Variants in CDH13 observed in about 807,000 individuals in gnomAD.
CDH13 encodes the protein cadherin 13.
Under a neutral mutation model 63.8 loss-of-function variants are expected in CDH13, and 24 were observed. The ratio of observed to expected loss-of-function variants is 0.38; its 90% CI spans 0.27 to 0.53. CDH13 has a LOEUF of 0.53. Ranked by LOEUF, CDH13 falls within the 20% of genes least tolerant of loss-of-function variation. The pLI is 0.85. For missense variants in CDH13, 1,049 were observed against 903.1 expected, an observed-to-expected ratio of 1.16 and a Z score of -2.07; for synonymous variants, 503 against 355.3, an observed-to-expected ratio of 1.42 and a Z score of -4.67.
chr16:82,763,927 C>A (rs1434270322), intron 1 of CDH13, among the ~76,000 whole-genome samples: 1 of 152,192 alleles, frequency 6.6e-6, no homozygotes, highest in Admixed American at 6.5e-5. Context: ...TCTTCCTTGG[C>A]CTCCAAAAGT....
At chr16:83,138,232 C>T (rs909482521) in intron 4 of CDH13, among the ~76,000 whole-genome samples, 2 of 151,986 alleles carry the variant, frequency 1.3e-5, no homozygotes, top group African/African-American at 4.8e-5. Flanking sequence ...TGCATTAATT[C>T]AGAAATATTT....
At chr16:83,428,847 T>A (rs577907903) in intron 6 of CDH13, among the ~76,000 whole-genome samples, 1 of 152,338 alleles carries the variant, frequency 6.6e-6, no homozygotes, top group East Asian at 1.9e-4. Flanking sequence ...AATCTCCCCA[T>A]CTTCCAGTGC....
At chr16:82,974,673 G>A (rs1421930542) in intron 2 of CDH13, among the ~76,000 whole-genome samples, 1 of 152,172 alleles carries the variant, frequency 6.6e-6, no homozygotes, top group African/African-American at 2.4e-5. Context: ...TCAGAAAAAG[G>A]AGGAGGCAGA....
chr16:83,061,813 A>C (rs2031577135), intron 3 of CDH13, among the ~76,000 whole-genome samples: 1 of 152,226 alleles, frequency 6.6e-6, no homozygotes, highest in African/African-American at 2.4e-5. Flanking sequence ...TCTCCCAGCA[A>C]AATTGAAACG....
At chr16:83,010,135 CAAAAAAAAAAA>C (rs67985333) in intron 2 of CDH13, among the ~76,000 whole-genome samples, 49 of 50,102 alleles carry the variant, frequency 9.8e-4, no homozygotes, top group Admixed American at 3.4e-3. Context: ...AACTCTGTCT[CAAAAAAAAAAA>C]AAAAAAAAAA....
At chr16:83,049,324 TC>T (rs2030013650) in intron 3 of CDH13, among the ~76,000 whole-genome samples, 1 of 124,850 alleles carries the variant, frequency 8.0e-6, no homozygotes, top group Non-Finnish European at 1.7e-5. Flanking sequence ...ATGACTGGCC[TC>T]TTTTTTTTTT....
At chr16:83,097,481 C>A (rs1480801143) in intron 3 of CDH13, among the ~76,000 whole-genome samples, 3 of 152,106 alleles carry the variant, frequency 2.0e-5, no homozygotes, top group Admixed American at 2.0e-4. Context: ...AAATAATGAA[C>A]CATGCATAAT....
At chr16:83,568,086 C>G (rs114141656) in intron 7 of CDH13, among the ~76,000 whole-genome samples, 1 of 152,086 alleles carries the variant, frequency 6.6e-6, no homozygotes, top group Non-Finnish European at 1.5e-5. Context: ...CAGAGCTTCC[C>G]ATTTAAATCA....
chr16:83,332,751 T>C (rs2090506229), intron 5 of CDH13, among the ~76,000 whole-genome samples: 1 of 152,216 alleles, frequency 6.6e-6, no homozygotes, highest in Non-Finnish European at 1.5e-5. Context: ...ACTAGGACTT[T>C]ACTCAAGCTG....
intron 3 of CDH13, among the ~76,000 whole-genome samples, chr16:83,103,032 A>G (rs1597340579): frequency 7.7e-6 from 1 of 129,558 alleles, no homozygotes; most frequent in African/African-American, 3.0e-5. Flanking sequence ...AGCTCACTGC[A>G]GCCTCTGCCT....
chr16:82,856,591 A>T (rs532035030), intron 1 of CDH13, among the ~76,000 whole-genome samples: 1 of 145,196 alleles, frequency 6.9e-6, no homozygotes, highest in African/African-American at 2.5e-5. Context: ...AGTCTCAGCT[A>T]CTTGGGAGGC....
At chr16:82,668,511 A>C (rs1597269139) in intron 1 of CDH13, among the ~76,000 whole-genome samples, 1 of 152,122 alleles carries the variant, frequency 6.6e-6, no homozygotes, top group South Asian at 2.1e-4. Flanking sequence ...CATTAGGGCA[A>C]TGTTTTTTTG....
At chr16:83,205,547 GA>G (rs1409749412) in intron 4 of CDH13, among the ~76,000 whole-genome samples, 5 of 149,866 alleles carry the variant, frequency 3.3e-5, no homozygotes, top group African/African-American at 1.2e-4. Context: ...TTGAATGCAA[GA>G]AAAGAAGTTG....
At chr16:83,282,068 A>G (rs1030231142) in intron 5 of CDH13, among the ~76,000 whole-genome samples, 1 of 152,132 alleles carries the variant, frequency 6.6e-6, no homozygotes, top group Non-Finnish European at 1.5e-5. Context: ...ATCTCAGGGA[A>G]TAGGGAGTCC....
chr16:82,733,425 C>T (rs2033505374), intron 1 of CDH13, among the ~76,000 whole-genome samples: 1 of 152,148 alleles, frequency 6.6e-6, no homozygotes, highest in East Asian at 1.9e-4. Context: ...TGTTTAAAGG[C>T]ATATGACCCA....
At chr16:83,081,381 C>A (rs956570119) in intron 3 of CDH13, among the ~76,000 whole-genome samples, 1 of 152,130 alleles carries the variant, frequency 6.6e-6, no homozygotes, top group African/African-American at 2.4e-5. Flanking sequence ...CACAGCTATG[C>A]TAATAGGGGT....
intron 4 of CDH13, among the ~76,000 whole-genome samples, chr16:83,199,191 T>C (rs994405976): frequency 3.9e-5 from 6 of 152,214 alleles, no homozygotes; most frequent in African/African-American, 1.4e-4. Context: ...GGACGTGCCT[T>C]GTGACAGTTA....
At chr16:83,557,707 G>T (rs2075630991) in intron 7 of CDH13, among the ~76,000 whole-genome samples, 3 of 152,056 alleles carry the variant, frequency 2.0e-5, no homozygotes, top group Admixed American at 2.0e-4. Context: ...GCGGGGACTT[G>T]CCGTCTTCCT....
At chr16:83,219,312 CT>C (rs59984386) in intron 5 of CDH13, among the ~76,000 whole-genome samples, 96,880 of 152,020 alleles carry the variant, frequency 0.64, 31,587 homozygotes, top group East Asian at 0.95. Context: ...GCTTCCCATA[CT>C]TTTTAAAAAC....
Sources: allele counts gnomAD v4.1 joint callset (sites outside exome capture counted in the v4.1 genomes callset), GRCh38; gene constraint gnomAD v4.1.1; transcripts MANE v1.5; gene names NCBI Gene and HGNC (gene_info 2026-07-23, HGNC 2026-07-21).